Variants in GALNT13 observed in about 807,000 individuals in gnomAD.
The protein encoded by GALNT13 is UDP-GalNAc:polypeptide N-acetylgalactosaminyltransferase 13.
A neutral mutation model predicts 64.2 loss-of-function variants in GALNT13; 28 were observed. The ratio of observed to expected loss-of-function variants is 0.44; its 90% confidence interval spans 0.32 to 0.60. The LOEUF (loss-of-function observed/expected upper bound fraction) is 0.60. Ranked by LOEUF, GALNT13 falls within the 20% of genes least tolerant of loss-of-function variation. The pLI is 0.05. For synonymous variants in GALNT13, 214 were observed against 224.6 expected (o/e 0.95, Z 0.42); for missense variants, 577 against 669.8 (o/e 0.86, Z 1.53).
chr2:153,220,551 G>A, the GALNT13 span, among the ~76,000 whole-genome samples: 8 of 152,282 alleles, frequency 5.3e-5, no homozygotes, highest in African/African-American at 1.9e-4. Flanking sequence ...CTTACCCTAA[G>A]GGAAGAATAA....
chr2:153,102,200 C>G, the GALNT13 span, among the ~76,000 whole-genome samples: 106 of 152,204 alleles, frequency 7.0e-4, no homozygotes, highest in Non-Finnish European at 1.2e-3. Flanking sequence ...CTTTCTCTCT[C>G]TATCTCCCTC....
intron 3 of GALNT13, among the ~76,000 whole-genome samples, chr2:154,119,722 G>A (rs1681823022): frequency 6.6e-6 from 1 of 152,066 alleles, no homozygotes; most frequent in African/African-American, 2.4e-5. Context: ...TGAGCTTTCT[G>A]TTGAGTTTTT....
the GALNT13 span, among the ~76,000 whole-genome samples, chr2:153,671,173 A>G: frequency 6.6e-6 from 1 of 152,196 alleles, no homozygotes; most frequent in African/African-American, 2.4e-5. Flanking sequence ...AAGGCAGGCC[A>G]ACATCCAAAT....
At chr2:153,096,240 G>A in the GALNT13 span, among the ~76,000 whole-genome samples, 1 of 151,236 alleles carries the variant, frequency 6.6e-6, no homozygotes, top group Non-Finnish European at 1.5e-5. Flanking sequence ...TATTATTTTA[G>A]TTTGTTTTTT....
intron 2 of GALNT13, among the ~76,000 whole-genome samples, chr2:153,920,075 A>G (rs1056413693): frequency 3.3e-5 from 5 of 149,836 alleles, no homozygotes; most frequent in African/African-American, 1.2e-4. Context: ...TAGAAAAAAT[A>G]ATACCTTCTA....
intron 2 of GALNT13, among the ~76,000 whole-genome samples, chr2:153,918,685 T>C (rs571834906): frequency 1.3e-5 from 2 of 152,118 alleles, no homozygotes; most frequent in Non-Finnish European, 2.9e-5. Context: ...GTTCTAAGGG[T>C]GATAGTTCAA....
At chr2:153,789,745 G>T in the GALNT13 span, among the ~76,000 whole-genome samples, 42 of 152,028 alleles carry the variant, frequency 2.8e-4, 1 homozygote, top group Admixed American at 5.2e-4. Flanking sequence ...AATGATAAAG[G>T]AGATTTTACC....
intron 9 of GALNT13, among the ~76,000 whole-genome samples, chr2:154,313,676 A>G (rs1694177622): frequency 6.6e-6 from 1 of 151,618 alleles, no homozygotes; most frequent in African/African-American, 2.4e-5. Flanking sequence ...GATGATGTTG[A>G]TTTCCTGACC....
the GALNT13 span, among the ~76,000 whole-genome samples, chr2:153,115,683 G>A: frequency 6.6e-6 from 1 of 151,974 alleles, no homozygotes; most frequent in Non-Finnish European, 1.5e-5. Flanking sequence ...ATTGGTCCTG[G>A]CACACAGTAG....
intron 3 of GALNT13, among the ~76,000 whole-genome samples, chr2:154,054,593 T>C (rs1274973024): frequency 6.6e-6 from 1 of 152,068 alleles, no homozygotes; most frequent in Non-Finnish European, 1.5e-5. Flanking sequence ...TGCAAGTATA[T>C]GCACAGTCTC....
the GALNT13 span, among the ~76,000 whole-genome samples, chr2:153,177,267 G>T: frequency 6.6e-6 from 1 of 152,020 alleles, no homozygotes; most frequent in African/African-American, 2.4e-5. Flanking sequence ...AGATCCATAT[G>T]CCTATTGTAC....
At chr2:153,719,927 A>C in the GALNT13 span, among the ~76,000 whole-genome samples, 17,172 of 152,070 alleles carry the variant, frequency 0.11, 1,500 homozygotes, top group African/African-American at 0.24. Flanking sequence ...TAAACAAAGC[A>C]GCCGGGAAGC....
At chr2:154,176,782 A>G (rs2105717779) in intron 4 of GALNT13, among the ~76,000 whole-genome samples, 1 of 152,264 alleles carries the variant, frequency 6.6e-6, no homozygotes, top group Non-Finnish European at 1.5e-5. Context: ...ATTTTTGAAA[A>G]GGTGTTTAAT....
chr2:153,783,194 A>T, the GALNT13 span, among the ~76,000 whole-genome samples: 7 of 152,238 alleles, frequency 4.6e-5, no homozygotes, highest in Non-Finnish European at 8.8e-5. Context: ...GCTAGAAAAT[A>T]CATATCATGA....
the GALNT13 span, among the ~76,000 whole-genome samples, chr2:153,321,424 T>C: frequency 2.0e-5 from 3 of 152,182 alleles, no homozygotes; most frequent in South Asian, 6.2e-4. Flanking sequence ...TTTTTAAATG[T>C]AAGTATTTGT....
chr2:154,382,927 G>A (rs1192834756), intron 9 of GALNT13, among the ~76,000 whole-genome samples: 1 of 151,930 alleles, frequency 6.6e-6, no homozygotes, highest in African/African-American at 2.4e-5. Context: ...ATGTAGATAG[G>A]AGAAATGGCA....
the GALNT13 span, among the ~76,000 whole-genome samples, chr2:153,444,311 C>G: frequency 6.6e-6 from 1 of 152,076 alleles, no homozygotes; most frequent in Non-Finnish European, 1.5e-5. Flanking sequence ...CTTTGTTAGT[C>G]ACAGAACAAA....
intron 9 of GALNT13, among the ~76,000 whole-genome samples, chr2:154,394,597 C>T (rs1698970261): frequency 6.6e-6 from 1 of 152,178 alleles, no homozygotes; most frequent in Non-Finnish European, 1.5e-5. Flanking sequence ...AAAATGTATT[C>T]AATTATTTCA....
chr2:153,292,429 C>T, the GALNT13 span, among the ~76,000 whole-genome samples: 3 of 152,168 alleles, frequency 2.0e-5, no homozygotes, highest in African/African-American at 4.8e-5. Context: ...TACAGTCTCA[C>T]GAAAAGTCAA....
Sources: gnomAD v4.1 joint callset for allele counts (sites outside exome capture counted in the v4.1 genomes callset) on GRCh38, gnomAD v4.1.1 for gene constraint, MANE v1.5 for transcripts, NCBI Gene and HGNC (gene_info 2026-07-23, HGNC 2026-07-21) for gene names.